Variants in THRAP3 observed in about 807,000 individuals in gnomAD.
The protein encoded by THRAP3 is thyroid hormone receptor-associated protein 3.
A neutral mutation model predicts 101.0 loss-of-function variants in THRAP3; 16 were observed. The observed-to-expected ratio is 0.16, with a 90% CI of 0.11 to 0.24. The LOEUF (loss-of-function observed/expected upper bound fraction) is 0.24. Among genes scored for constraint, THRAP3 ranks in the 10% least tolerant of loss-of-function variants. The probability of loss-of-function intolerance (pLI) is 1.00; values close to 1 mark genes in which losing one functional copy is unlikely to be tolerated. For missense variants in THRAP3, 989 were observed against 1,202.7 expected (o/e 0.82, Z 2.63); for synonymous variants, 407 against 422.6 (o/e 0.96, Z 0.45).
At chr1:36,259,855 A>G (rs1200556664) in intron 2 of THRAP3, among the ~76,000 whole-genome samples, 2 of 152,354 alleles carry the variant, frequency 1.3e-5, no homozygotes, top group African/African-American at 4.8e-5. Flanking sequence ...TTCGTTTGAA[A>G]AAGGCTGTCG....
chr1:36,243,597 CCTT>C (rs754701965), intron 1 of THRAP3, among the ~76,000 whole-genome samples: 41 of 152,012 alleles, frequency 2.7e-4, no homozygotes, highest in Non-Finnish European at 5.0e-4. Flanking sequence ...ATGTCTACCT[CCTT>C]CTACACAGAC....
intron 2 of THRAP3, among the ~76,000 whole-genome samples, chr1:36,270,599 C>CT (rs1645578787): frequency 2.3e-5 from 2 of 88,468 alleles, no homozygotes; most frequent in African/African-American, 9.5e-5. Flanking sequence ...TTTTTTGAGA[C>CT]GGAGTTTCGC....
intron 1 of THRAP3, among the ~76,000 whole-genome samples, chr1:36,228,053 T>C (rs1284942020): frequency 4.7e-5 from 7 of 147,832 alleles, no homozygotes; most frequent in African/African-American, 1.8e-4. Flanking sequence ...TTTTTTTTTT[T>C]TTTTTTTTCT....
chr1:36,238,932 A>AATT (rs557003234), intron 1 of THRAP3, among the ~76,000 whole-genome samples: 2 of 150,160 alleles, frequency 1.3e-5, no homozygotes, highest in Non-Finnish European at 3.0e-5. Flanking sequence ...TTTATTGTTT[A>AATT]ATTATTATTA....
the THRAP3 span, among the ~76,000 whole-genome samples, chr1:36,207,911 G>C: frequency 3.1e-4 from 47 of 152,228 alleles, no homozygotes; most frequent in Non-Finnish European, 6.0e-4. Flanking sequence ...TCCTGCCTCA[G>C]CCTCCTGACT....
the THRAP3 span, among the ~76,000 whole-genome samples, chr1:36,213,989 GAAAGAAAGGAAAGAAAGAAA>G: frequency 1.0e-3 from 89 of 89,026 alleles, no homozygotes; most frequent in African/African-American, 4.0e-3. Context: ...AAGAAAGAAA[GAAAGAAAGGAAAGAAAGAAA>G]GAAAGAAAGA....
intron 1 of THRAP3, among the ~76,000 whole-genome samples, chr1:36,227,076 A>T (rs1226845452): frequency 6.6e-6 from 1 of 152,132 alleles, no homozygotes; most frequent in Admixed American, 6.6e-5. Flanking sequence ...TAGAGGAAAC[A>T]GTAAGTGCAC....
intron 1 of THRAP3, among the ~76,000 whole-genome samples, chr1:36,226,323 A>G (rs1293417772): frequency 1.3e-5 from 2 of 152,136 alleles, no homozygotes; most frequent in Admixed American, 1.3e-4. Context: ...GCAGGGGCAC[A>G]ATCTCGGCTC....
the THRAP3 span, among the ~76,000 whole-genome samples, chr1:36,215,530 C>G: frequency 6.6e-6 from 1 of 152,186 alleles, no homozygotes; most frequent in Non-Finnish European, 1.5e-5. Context: ...GGAAGCATCT[C>G]CTAAACTTCT....
chr1:36,305,218 C>T lies in THRAP3; in HGVS notation c.*1201C>T, dbSNP rs549182643. On this transcript the variant is annotated 3_prime_UTR_variant, in exon 12 of 12. Transcript: ENST00000354618. ...CTTTGCCTCTTGCGTTGTTGTGCTG[C>T]TTTCCCCTTACTTTGCTACATTTCT... The T allele has an allele frequency of 4.0e-4, 87 of 218,394 alleles. No individual in the cohort carries two copies. The highest frequency in any genetic ancestry group is 1.8e-3 in the African/African-American group (79 of 44,564). 13.5% of individuals were successfully genotyped at this position (218,394 alleles called of 1,614,324 possible). A position where few individuals can be genotyped will look rare whatever the true frequency, so the allele number is the denominator to read the frequency against.
intron 4 of THRAP3, 22 bp downstream of exon 4, chr1:36,287,292 C>T: frequency 9.0e-6 from 14 of 1,563,788 alleles, no homozygotes; most frequent in Non-Finnish European, 1.2e-5. Flanking sequence ...ATTTCCCCTG[C>T]CTGGTTGTGT....
intron 11 of THRAP3, among the ~76,000 whole-genome samples, chr1:36,303,112 A>ATTTTTTTTTTTTT (rs397936228): frequency 2.1e-4 from 26 of 125,150 alleles, no homozygotes; most frequent in Non-Finnish European, 2.7e-4. Flanking sequence ...TGCCTGGCTA[A>ATTTTTTTTTTTTT]TTTTTTTTTT....
At chr1:36,238,775 A>C (rs1049761861) in intron 1 of THRAP3, among the ~76,000 whole-genome samples, 1 of 151,462 alleles carries the variant, frequency 6.6e-6, no homozygotes, top group Non-Finnish European at 1.5e-5. Flanking sequence ...GTGCAGTCAT[A>C]GCTTACTACT....
chr1:36,221,359 T>C (rs1484105659), upstream of THRAP3, among the ~76,000 whole-genome samples: 2 of 151,304 alleles, frequency 1.3e-5, no homozygotes, highest in Non-Finnish European at 1.5e-5. Flanking sequence ...TACAGAGAAA[T>C]CTTTCATGAA....
the THRAP3 span, among the ~76,000 whole-genome samples, chr1:36,213,831 G>A: frequency 1.3e-5 from 2 of 148,240 alleles, no homozygotes; most frequent in Non-Finnish European, 3.0e-5. Context: ...TGGGCAACAA[G>A]AGCCAAACTC....
At chr1:36,223,934 G>A (rs1394542906), upstream of THRAP3, among the ~76,000 whole-genome samples, 1 of 152,190 alleles carries the variant, frequency 6.6e-6, no homozygotes, top group Non-Finnish European at 1.5e-5. Flanking sequence ...TGGCAACATC[G>A]CTGTGGGGTA....
intron 2 of THRAP3, among the ~76,000 whole-genome samples, chr1:36,266,308 A>ACTG (rs1645514209): frequency 6.6e-6 from 1 of 152,176 alleles, no homozygotes; most frequent in Non-Finnish European, 1.5e-5. Flanking sequence ...CCTGGGCAAC[A>ACTG]GAGCCAGACT....
intron 9 of THRAP3, 89 bp from the exon 10 acceptor site, chr1:36,300,797 T>C: frequency 2.3e-6 from 3 of 1,325,178 alleles, no homozygotes; most frequent in East Asian, 2.3e-5. Context: ...AGGCATACTT[T>C]TGATTGCCCT....
At chr1:36,232,316 CTTAAGTG>C (rs147179957) in intron 1 of THRAP3, among the ~76,000 whole-genome samples, 1,888 of 152,276 alleles carry the variant, frequency 0.012, 17 homozygotes, top group Non-Finnish European at 0.02. Flanking sequence ...GTTCTTATTA[CTTAAGTG>C]TTAAAGAGTT....
Sources: gnomAD v4.1 joint callset for allele counts (sites outside exome capture counted in the v4.1 genomes callset) on GRCh38, gnomAD v4.1.1 for gene constraint, MANE v1.5 for transcripts, NCBI Gene and HGNC (gene_info 2026-07-23, HGNC 2026-07-21) for gene names.